HPSE2: variants seen among roughly 807,000 people sequenced by gnomAD.
HPSE2 encodes heparanase 2 (inactive), also known as inactive heparanase-2.
A neutral mutation model predicts 60.5 loss-of-function variants in HPSE2; 38 were observed. That is an observed-to-expected ratio of 0.63 (90% CI 0.48 to 0.82). The LOEUF is 0.82. Ranked by LOEUF, HPSE2 falls within the 40% of genes least tolerant of loss-of-function variation. HPSE2 has a pLI of 0.00. For synonymous variants in HPSE2, 295 were observed against 293.2 expected (o/e 1.01, Z -0.06); for missense variants, 713 against 740.4 (o/e 0.96, Z 0.43).
chr10:99,110,058 C>T (rs1240868833), intron 3 of HPSE2, among the ~76,000 whole-genome samples: 1 of 152,184 alleles, frequency 6.6e-6, no homozygotes, highest in Non-Finnish European at 1.5e-5. Context: ...ATCTCTTAAA[C>T]ATCATAAAGA....
chr10:99,301,035 A>G, the HPSE2 span, among the ~76,000 whole-genome samples: 2 of 152,316 alleles, frequency 1.3e-5, no homozygotes. Context: ...AGTTCATTCA[A>G]TAGTTCTTAA....
At position 98,803,246 on chromosome 10, in the gene HPSE2, A is replaced by G. The variant is rs1223730271; in HGVS notation, c.611-59190T>C. ...GCCCTTTGTCAGATGAGTAGGTTGC[A>G]AAAATTTTCTCCCATTTTGTAGGTT... On this transcript the variant is annotated intron_variant, in intron 3 of 11. Transcript: ENST00000370552. Among the ~76,000 whole-genome samples the G allele has an allele frequency of 1.3e-3, 196 of 150,452 alleles. 2 individuals carry two copies. Among genetic ancestry groups the G allele is most frequent in the African/African-American group, 4.3e-3 (175 of 40,694 alleles).
At chr10:99,173,643 T>C (rs889547704) in intron 2 of HPSE2, among the ~76,000 whole-genome samples, 6 of 152,066 alleles carry the variant, frequency 3.9e-5, no homozygotes, top group African/African-American at 1.4e-4. Flanking sequence ...ATTATAACCA[T>C]CTCGAAATAA....
At chr10:99,025,555 A>G (rs1371969507) in intron 3 of HPSE2, among the ~76,000 whole-genome samples, 1 of 152,206 alleles carries the variant, frequency 6.6e-6, no homozygotes, top group Admixed American at 6.6e-5. Flanking sequence ...TTGCAGGAAC[A>G]TGGATAGAGC....
At chr10:99,025,980 T>A (rs1336190528) in intron 3 of HPSE2, among the ~76,000 whole-genome samples, 1 of 151,292 alleles carries the variant, frequency 6.6e-6, no homozygotes, top group South Asian at 2.1e-4. Context: ...GGATACAAAA[T>A]AATAAAAAGC....
At chr10:99,226,227 A>G (rs1234260328) in intron 2 of HPSE2, among the ~76,000 whole-genome samples, 1 of 151,862 alleles carries the variant, frequency 6.6e-6, no homozygotes, top group Non-Finnish European at 1.5e-5. Context: ...CTACCTACCT[A>G]TCTAACTCCC....
intron 9 of HPSE2, among the ~76,000 whole-genome samples, chr10:98,572,389 T>C (rs894922200): frequency 2.6e-5 from 4 of 152,238 alleles, no homozygotes; most frequent in Non-Finnish European, 5.9e-5. Flanking sequence ...GTCAGTTTTA[T>C]TTGTTTCTGT....
chr10:98,514,650 C>T (rs1942530762), intron 9 of HPSE2, among the ~76,000 whole-genome samples: 1 of 150,620 alleles, frequency 6.6e-6, no homozygotes, highest in South Asian at 2.1e-4. Context: ...TAATATCCTC[C>T]TTCTGGTCAC....
chr10:99,315,812 C>T, the HPSE2 span, among the ~76,000 whole-genome samples: 1 of 152,208 alleles, frequency 6.6e-6, no homozygotes, highest in Admixed American at 6.5e-5. Flanking sequence ...CCCCAAACAG[C>T]ATCTTCACAG....
intron 3 of HPSE2, among the ~76,000 whole-genome samples, chr10:98,764,704 A>C (rs975560019): frequency 6.6e-6 from 1 of 152,014 alleles, no homozygotes; most frequent in African/African-American, 2.4e-5. Flanking sequence ...AAAAAACACA[A>C]AAATTAGCCG....
chr10:99,265,042 C>A, the HPSE2 span, among the ~76,000 whole-genome samples: 1 of 152,174 alleles, frequency 6.6e-6, no homozygotes, highest in Non-Finnish European at 1.5e-5. Flanking sequence ...CCCCTGTGAC[C>A]TGCACATATA....
At chr10:98,890,633 T>C (rs1354891630) in intron 3 of HPSE2, among the ~76,000 whole-genome samples, 3 of 152,030 alleles carry the variant, frequency 2.0e-5, no homozygotes, top group Non-Finnish European at 4.4e-5. Context: ...AATAAGTAAA[T>C]AAAAACGAAC....
At chr10:98,482,875 A>G in intron 10 of HPSE2, 93 bp from the exon 11 acceptor site, 1 of 1,384,674 alleles carries the variant, frequency 7.2e-7, no homozygotes, top group Non-Finnish European at 1.0e-6. Flanking sequence ...AAATATGAAC[A>G]GCCCTGAAAA....
Position 99,135,165 on chromosome 10 carries a change from A to G in HPSE2, c.610+9073T>C, listed in dbSNP as rs149859748. On this transcript the variant is annotated intron_variant, in intron 3 of 11. Transcript: ENST00000370552. ...ATGGATCAATGCAGCAAGAAGAGTT[A>G]ACTATCCTAAATATATATGCACCCA... Among the ~76,000 whole-genome samples the G allele has an allele frequency of 1.7e-3, 256 of 151,590 alleles. 2 individuals carry two copies. The highest frequency in any genetic ancestry group is 3.2e-4 in the Non-Finnish European group (22 of 67,852).
At chr10:99,132,108 GTC>G (rs1038804466) in intron 3 of HPSE2, among the ~76,000 whole-genome samples, 13 of 145,552 alleles carry the variant, frequency 8.9e-5, no homozygotes, top group African/African-American at 3.4e-4. Flanking sequence ...GGGAAATTCC[GTC>G]TTAAAAAAGA....
Position 98,750,769 on chromosome 10 carries a change from G to C in HPSE2, c.611-6713C>G, listed in dbSNP as rs189708357. Among the ~76,000 whole-genome samples the C allele has an allele frequency of 1.1e-3, 165 of 152,276 alleles. 3 individuals carry two copies. Among genetic ancestry groups the C allele is most frequent in the African/African-American group, 3.7e-3 (153 of 41,560 alleles). Reference sequence around the variant, plus strand: ...AGAAGAGAGAAGAAGGCCAAGATGAGAATTTGGGCTTGGGGCATGTTAAGT... The same window carrying C: ...AGAAGAGAGAAGAAGGCCAAGATGACAATTTGGGCTTGGGGCATGTTAAGT... On this transcript the variant is annotated intron_variant, in intron 3 of 11. Transcript: ENST00000370552.
intron 3 of HPSE2, chr10:99,048,357 T>G: frequency 3.6e-6 from 1 of 277,598 alleles, no homozygotes; most frequent in Admixed American, 5.0e-5. Context: ...TAGTACCTGC[T>G]CTCAAACTGA....
chr10:98,694,932 G>T (rs762944449), intron 5 of HPSE2, among the ~76,000 whole-genome samples: 9 of 152,168 alleles, frequency 5.9e-5, no homozygotes, highest in Non-Finnish European at 8.8e-5. Flanking sequence ...ATCTTTAATG[G>T]TACTTCTTAA....
intron 3 of HPSE2, chr10:99,047,596 T>C (rs993598825): frequency 3.1e-6 from 2 of 637,698 alleles, no homozygotes; most frequent in South Asian, 3.7e-5. Flanking sequence ...CCAGAATCTA[T>C]AAGGGACTTA....
Sources: gnomAD v4.1 joint callset for allele counts (sites outside exome capture counted in the v4.1 genomes callset) on GRCh38, gnomAD v4.1.1 for gene constraint, MANE v1.5 for transcripts, NCBI Gene and HGNC (gene_info 2026-07-23, HGNC 2026-07-21) for gene names.